GFRAL: variants seen among roughly 807,000 people sequenced by gnomAD.
The protein encoded by GFRAL is GDNF family receptor alpha-like.
Under a neutral mutation model 45.4 loss-of-function variants are expected in GFRAL, and 36 were observed. The ratio of observed to expected loss-of-function variants is 0.79; its 90% CI spans 0.61 to 1.05. The LOEUF (loss-of-function observed/expected upper bound fraction) is 1.05, where lower values mean the gene tolerates loss of function less well. Ranked by LOEUF, GFRAL falls within the 50% of genes least tolerant of loss-of-function variation. The pLI, the probability that GFRAL is intolerant of heterozygous loss-of-function variation, is 0.00. For synonymous variants in GFRAL, 166 were observed against 154.1 expected (o/e 1.08, Z -0.57); for missense variants, 507 against 467.5 (o/e 1.08, Z -0.78).
At chr6:55,364,348 G>A (rs1446468380) in intron 6 of GFRAL, among the ~76,000 whole-genome samples, 5,315 of 146,664 alleles carry the variant, frequency 0.036, 157 homozygotes, top group African/African-American at 0.068. Context: ...GCCCTTTGTC[G>A]GATGAGTAGG....
chr6:55,397,542 A>G (rs913893299), intron 6 of GFRAL, among the ~76,000 whole-genome samples: 1 of 138,640 alleles, frequency 7.2e-6, no homozygotes, highest in African/African-American at 2.8e-5. Context: ...AAAAAAAAAA[A>G]AAAAAAAATG....
chr6:55,343,130 G>A (rs974121463), intron 3 of GFRAL, among the ~76,000 whole-genome samples: 5 of 151,926 alleles, frequency 3.3e-5, no homozygotes, highest in African/African-American at 4.8e-5. Context: ...AGACAGGAAG[G>A]TAACAAGGAT....
chr6:55,340,834 A>G (rs144343901), intron 3 of GFRAL, among the ~76,000 whole-genome samples: 1,991 of 152,290 alleles, frequency 0.013, 23 homozygotes, highest in Non-Finnish European at 0.022. Context: ...CTAATACTGC[A>G]CTTTTCCAGT....
chr6:55,369,969 C>T (rs1351454834), intron 6 of GFRAL, among the ~76,000 whole-genome samples: 2 of 152,090 alleles, frequency 1.3e-5, no homozygotes, highest in African/African-American at 4.8e-5. Context: ...AAGTGATGAC[C>T]TGGTGGGTCA....
chr6:55,359,975 T>C (rs1453140163), intron 6 of GFRAL, among the ~76,000 whole-genome samples: 1 of 152,002 alleles, frequency 6.6e-6, no homozygotes, highest in African/African-American at 2.4e-5. Flanking sequence ...ATTTAGTTTT[T>C]CTCCCCTTGG....
At chr6:55,351,168 A>G in intron 4 of GFRAL, 85 bp from the exon 5 acceptor site, 1 of 953,238 alleles carries the variant, frequency 1.0e-6, no homozygotes, top group Non-Finnish European at 1.6e-6. Flanking sequence ...TATTTTGCTC[A>G]TAGACTTCTC....
chr6:55,365,472 C>G (rs1768348083), intron 6 of GFRAL, among the ~76,000 whole-genome samples: 1 of 103,420 alleles, frequency 9.7e-6, no homozygotes, highest in East Asian at 2.4e-4. Context: ...ACTTCCAACA[C>G]TATGTTGAAT....
chr6:55,392,735 G>T (rs3857608), intron 6 of GFRAL, among the ~76,000 whole-genome samples: 1 of 151,872 alleles, frequency 6.6e-6, no homozygotes, highest in South Asian at 2.1e-4. Flanking sequence ...AGGGTGGAGG[G>T]TGGGAGGAGG....
chr6:55,383,917 T>G (rs1447984399), intron 6 of GFRAL, among the ~76,000 whole-genome samples: 1 of 152,038 alleles, frequency 6.6e-6, no homozygotes, highest in Non-Finnish European at 1.5e-5. Context: ...CTGGCAATGT[T>G]CACTTACTTA....
intron 6 of GFRAL, among the ~76,000 whole-genome samples, chr6:55,365,565 T>A (rs1403734613): frequency 9.7e-6 from 1 of 103,624 alleles, no homozygotes; most frequent in Non-Finnish European, 1.9e-5. Flanking sequence ...AGTATGATAT[T>A]GGCTGTGGGT....
intron 6 of GFRAL, among the ~76,000 whole-genome samples, chr6:55,360,739 T>A (rs1433660086): frequency 6.6e-6 from 1 of 151,986 alleles, no homozygotes; most frequent in Non-Finnish European, 1.5e-5. Context: ...ATACTTATAA[T>A]GAATGGCTCA....
At chr6:55,376,146 G>A (rs540930935) in intron 6 of GFRAL, among the ~76,000 whole-genome samples, 2 of 151,966 alleles carry the variant, frequency 1.3e-5, no homozygotes, top group Non-Finnish European at 2.9e-5. Context: ...TTCTGTTTAT[G>A]TAATGAATCA....
chr6:55,339,277 T>G (rs1767930368), intron 3 of GFRAL, among the ~76,000 whole-genome samples: 1 of 152,140 alleles, frequency 6.6e-6, no homozygotes, highest in Non-Finnish European at 1.5e-5. Flanking sequence ...AGTTGTATTC[T>G]GAAAACATTT....
intron 6 of GFRAL, among the ~76,000 whole-genome samples, chr6:55,395,905 A>G (rs1215067231): frequency 1.3e-5 from 2 of 152,156 alleles, no homozygotes; most frequent in Non-Finnish European, 2.9e-5. Flanking sequence ...CATCAAATGT[A>G]CAAGGATTTT....
At chr6:55,393,295 T>C (rs978813316) in intron 6 of GFRAL, among the ~76,000 whole-genome samples, 6 of 152,202 alleles carry the variant, frequency 3.9e-5, no homozygotes, top group African/African-American at 7.2e-5. Flanking sequence ...AAAATGCATA[T>C]ATTACATCTA....
At chr6:55,342,810 C>T (rs1208287414) in intron 3 of GFRAL, among the ~76,000 whole-genome samples, 1 of 151,436 alleles carries the variant, frequency 6.6e-6, no homozygotes, top group Non-Finnish European at 1.5e-5. Flanking sequence ...CACATAGGCT[C>T]AAAATAAAAG....
At chr6:55,353,799 T>C (rs963899348) in intron 5 of GFRAL, among the ~76,000 whole-genome samples, 5 of 152,102 alleles carry the variant, frequency 3.3e-5, no homozygotes, top group African/African-American at 1.2e-4. Flanking sequence ...GTTGTTATTG[T>C]TGTTGTACAT....
chr6:55,364,212 G>A (rs1768321987), intron 6 of GFRAL, among the ~76,000 whole-genome samples: 1 of 151,226 alleles, frequency 6.6e-6, no homozygotes, highest in African/African-American at 2.4e-5. Flanking sequence ...TTTTTCATGT[G>A]TTTTTTGGCT....
Position 55,399,250 on chromosome 6 carries a change from A to G in GFRAL, c.1023A>G (p.Leu341=). Residue 341 remains leucine, a synonymous_variant, in exon 7 of 9, where the codon TTA becomes TTG. Coordinates refer to ENST00000340465, the MANE Select transcript of GFRAL (RefSeq NM_207410.2). ...GAAAACATGCAAACAAAATCACTTT[A>G]ACTGGATTTCATTCCCCCTTCAATG... ...YTRKHANKIT[L]TGFHSPFNGE... The G allele has an allele frequency of 6.2e-7, 1 of 1,604,330 alleles. No individual in the cohort carries two copies. Among genetic ancestry groups the G allele is most frequent in the Non-Finnish European group, 8.5e-7 (1 of 1,172,542 alleles).
Sources: gnomAD v4.1 joint callset for allele counts (sites outside exome capture counted in the v4.1 genomes callset) on GRCh38, gnomAD v4.1.1 for gene constraint, MANE v1.5 for transcripts, NCBI Gene and HGNC (gene_info 2026-07-23, HGNC 2026-07-21) for gene names.